Variants in VAV3 observed in about 807,000 individuals in gnomAD.
VAV3 encodes the protein vav guanine nucleotide exchange factor 3.
Under a neutral mutation model 131.2 loss-of-function variants are expected in VAV3, and 94 were observed. That is an observed-to-expected ratio of 0.72 (90% CI 0.61 to 0.85). VAV3 has a LOEUF of 0.85. VAV3 is among the 40% of genes least tolerant of loss of function. The probability of loss-of-function intolerance (pLI) is 0.00; values close to 1 mark genes in which losing one functional copy is unlikely to be tolerated. For missense variants in VAV3, 939 were observed against 1,002.7 expected (o/e 0.94, Z 0.86); for synonymous variants, 349 against 342.0 (o/e 1.02, Z -0.22).
chr1:107,834,260 C>T (rs1195287603), intron 2 of VAV3, among the ~76,000 whole-genome samples: 2 of 152,024 alleles, frequency 1.3e-5, no homozygotes, highest in African/African-American at 4.8e-5. Context: ...ATTCCAAAAC[C>T]ACATATACCT....
chr1:107,860,765 G>A lies in VAV3; in HGVS notation c.321+14136C>T, dbSNP rs1044025770. ...AAGAAGAGAAGCCAAGCACAGTGGC[G>A]TGCACTTGCAGTCCCGGCTACTCAG... On this transcript the variant is annotated intron_variant, in intron 2 of 26. Transcript: ENST00000370056. Among the ~76,000 whole-genome samples, 9 of 151,596 alleles carry A rather than the reference G, an allele frequency of 5.9e-5. 1 individual carries two copies. Among genetic ancestry groups the A allele is most frequent in the South Asian group, 2.1e-4 (1 of 4,764 alleles).
At chr1:107,929,512 A>T (rs1335883413) in intron 1 of VAV3, among the ~76,000 whole-genome samples, 1 of 152,154 alleles carries the variant, frequency 6.6e-6, no homozygotes, top group South Asian at 2.1e-4. Flanking sequence ...TGGTAATAGT[A>T]AGTACGCAGA....
chr1:107,636,142 A>T (rs1364721939), intron 20 of VAV3, among the ~76,000 whole-genome samples: 1 of 152,232 alleles, frequency 6.6e-6, no homozygotes. Flanking sequence ...GAAGACACTG[A>T]AAGACTTTAA....
intron 1 of VAV3, among the ~76,000 whole-genome samples, chr1:107,922,539 A>C (rs1672948363): frequency 6.6e-6 from 1 of 152,210 alleles, no homozygotes; most frequent in Admixed American, 6.5e-5. Flanking sequence ...ATGGCCTAAA[A>C]AATAGTAATT....
intron 15 of VAV3, among the ~76,000 whole-genome samples, chr1:107,731,654 A>G (rs1233640360): frequency 1.3e-5 from 2 of 152,204 alleles, no homozygotes; most frequent in African/African-American, 4.8e-5. Context: ...AGAATCTTCT[A>G]CAGTGAAAGC....
rs528016382 is a variant in VAV3, at chr1:107,751,046, T to C, written c.1259+71A>G. 2.8e-5 allele frequency: 40 copies of C among 1,442,158 alleles called. No homozygotes were observed. In the African/African-American group the frequency reaches 4.5e-4, roughly 16 times the overall value. The allele number at this position is 1,442,158 out of a possible 1,614,324, so 89.3% of individuals were successfully genotyped here. A position where few individuals can be genotyped will look rare whatever the true frequency, so the allele number is the denominator to read the frequency against. Reference sequence around the variant, plus strand: ...TTCCCCCTACTTCACACTGGAAAAATTGTCTTTAAGGTTTTCTCAGTTTTC... The same window carrying C: ...TTCCCCCTACTTCACACTGGAAAAACTGTCTTTAAGGTTTTCTCAGTTTTC... On this transcript the variant is annotated intron_variant, in intron 13 of 26. Coordinates refer to ENST00000370056, the MANE Select transcript of VAV3 (RefSeq NM_006113.5).
intron 2 of VAV3, among the ~76,000 whole-genome samples, chr1:107,806,606 T>C (rs1667068579): frequency 6.6e-6 from 1 of 152,184 alleles, no homozygotes; most frequent in Non-Finnish European, 1.5e-5. Flanking sequence ...ATACCAATAT[T>C]TTTATTGTAA....
chr1:107,932,599 ATGGT>A lies in VAV3; in HGVS notation c.204+32063_204+32066del. 1.3e-5 allele frequency among the ~76,000 whole-genome samples: 2 copies of A among 152,230 alleles called. 1 individual carries two copies. The highest frequency in any genetic ancestry group is 1.3e-4 in the Admixed American group (2 of 15,280). ...TGGAACCAATGAATAATACTTTATT[ATGGT>A]AAAAGGGATTTTGCAGACATAATTA... On this transcript the variant is annotated intron_variant, in intron 1 of 26. Coordinates refer to ENST00000370056, the MANE Select transcript of VAV3 (RefSeq NM_006113.5).
intron 15 of VAV3, among the ~76,000 whole-genome samples, chr1:107,728,138 T>C (rs1661965191): frequency 6.6e-6 from 1 of 152,118 alleles, no homozygotes; most frequent in Non-Finnish European, 1.5e-5. Flanking sequence ...TAATATCCAC[T>C]GGAGGTTGGT....
chr1:107,608,684 G>A (rs1020570092), intron 22 of VAV3, among the ~76,000 whole-genome samples: 3 of 152,140 alleles, frequency 2.0e-5, no homozygotes, highest in Non-Finnish European at 4.4e-5. Context: ...AGGAGGGCCC[G>A]AGGAGAGTCC....
chr1:107,765,110 G>C lies in VAV3; in HGVS notation c.887C>G (p.Ser296Cys). ...CAGTTTGACATCTTCTTTTGTCTTAGAAATGTAGTCTAAACTAGAGATGGC... is the reference window on the plus strand; with the variant it reads ...CAGTTTGACATCTTCTTTTGTCTTACAAATGTAGTCTAAACTAGAGATGGC... ...ESAISSLDYI[S>C]KTKEDVKLKL... Residue 296 changes from serine to cysteine, a missense_variant, in exon 9 of 27, where the codon TCT becomes TGT. Coordinates refer to ENST00000370056, the MANE Select transcript of VAV3 (RefSeq NM_006113.5). 6.2e-7 allele frequency: 1 copy of C among 1,613,376 alleles called. No individual in the cohort carries two copies. The highest frequency in any genetic ancestry group is 8.5e-7 in the Non-Finnish European group (1 of 1,179,508).
chr1:107,851,416 C>G (rs1275899660), intron 2 of VAV3, among the ~76,000 whole-genome samples: 3 of 137,462 alleles, frequency 2.2e-5, no homozygotes, highest in Non-Finnish European at 3.2e-5. Flanking sequence ...AAAAAAAAAG[C>G]AAATTTTTGT....
At chr1:107,640,125 A>G (rs1655232583) in intron 20 of VAV3, among the ~76,000 whole-genome samples, 1 of 152,176 alleles carries the variant, frequency 6.6e-6, no homozygotes, top group African/African-American at 2.4e-5. Flanking sequence ...TTAGTATCTA[A>G]GAAAAATAAA....
intron 21 of VAV3, among the ~76,000 whole-genome samples, chr1:107,611,025 G>A (rs1652685805): frequency 1.3e-5 from 2 of 152,126 alleles, no homozygotes; most frequent in Non-Finnish European, 2.9e-5. Flanking sequence ...CAGGTTAAGA[G>A]TTATCTACAG....
chr1:107,889,425 G>A (rs1167810355), intron 1 of VAV3, among the ~76,000 whole-genome samples: 1 of 151,944 alleles, frequency 6.6e-6, no homozygotes, highest in Non-Finnish European at 1.5e-5. Flanking sequence ...ATAATTTATT[G>A]TCCAAAACAG....
intron 8 of VAV3, among the ~76,000 whole-genome samples, chr1:107,765,755 T>C (rs12726846): frequency 0.12 from 17,955 of 152,134 alleles, 1,197 homozygotes; most frequent in Non-Finnish European, 0.14. Context: ...CACAAATATT[T>C]TGCAAAGAGG....
chr1:107,895,248 T>A (rs1557908127), intron 1 of VAV3, among the ~76,000 whole-genome samples: 2 of 152,084 alleles, frequency 1.3e-5, no homozygotes, highest in Non-Finnish European at 2.9e-5. Flanking sequence ...GGGACGTGAG[T>A]GGGGAACAAA....
At chr1:107,756,335 C>T (rs918139275) in intron 11 of VAV3, among the ~76,000 whole-genome samples, 2 of 152,018 alleles carry the variant, frequency 1.3e-5, no homozygotes, top group Non-Finnish European at 2.9e-5. Flanking sequence ...CAGAACTCTG[C>T]AAAAAGCAGT....
chr1:107,726,598 C>T (rs560407133), intron 15 of VAV3, among the ~76,000 whole-genome samples: 1 of 152,312 alleles, frequency 6.6e-6, no homozygotes, highest in African/African-American at 2.4e-5. Context: ...GGATCACACA[C>T]TTTCTGTGCT....
Sources: allele counts gnomAD v4.1 joint callset (sites outside exome capture counted in the v4.1 genomes callset), GRCh38; gene constraint gnomAD v4.1.1; transcripts MANE v1.5; gene names NCBI Gene and HGNC (gene_info 2026-07-23, HGNC 2026-07-21).